TGFBRAP1: variants seen among roughly 807,000 people sequenced by gnomAD.
TGFBRAP1 encodes the protein transforming growth factor beta receptor associated protein 1, also known as transforming growth factor-beta receptor-associated protein 1.
TGFBRAP1 carries 20 observed loss-of-function variants against 83.2 expected under a neutral mutation model. The ratio of observed to expected loss-of-function variants is 0.24; its 90% CI spans 0.17 to 0.35. The LOEUF (loss-of-function observed/expected upper bound fraction) is 0.35. Among genes scored for constraint, TGFBRAP1 ranks in the 10% least tolerant of loss-of-function variants. The pLI, the probability that TGFBRAP1 is intolerant of heterozygous loss-of-function variation, is 1.00. For synonymous variants in TGFBRAP1, 415 were observed against 459.8 expected (o/e 0.90, Z 1.25); for missense variants, 950 against 1,099.4 (o/e 0.86, Z 1.92).
In TGFBRAP1 at chr2:105,269,955, C is replaced by G. The variant is rs1047922182; in HGVS notation, c.1973-250G>C. ...CTGGACCACAGAATAATTCCTTTCT[C>G]TAGTGTTCAGAGGATGAAAAGAACA... On this transcript the variant is annotated intron_variant, in intron 10 of 11. Coordinates refer to ENST00000393359, the MANE Select transcript of TGFBRAP1 (RefSeq NM_004257.6). This position sits in a 1 kb window ranked among gnomAD's most constrained non-coding sequence, Gnocchi z 4.1. Among the ~76,000 whole-genome samples the G allele has an allele frequency of 1.3e-5, 2 of 152,172 alleles. No homozygotes were observed. Among genetic ancestry groups the G allele is most frequent in the African/African-American group, 4.8e-5 (2 of 41,438 alleles).
chr2:105,257,971 GGAAT>G, the TGFBRAP1 span, among the ~76,000 whole-genome samples: 6 of 152,024 alleles, frequency 3.9e-5, no homozygotes, highest in African/African-American at 1.2e-4. Context: ...ATATACTTGT[GGAAT>G]GAATGAATAA....
intron 2 of TGFBRAP1, among the ~76,000 whole-genome samples, chr2:105,304,697 C>T (rs1195343664): frequency 6.6e-6 from 1 of 152,148 alleles, no homozygotes; most frequent in East Asian, 1.9e-4. Context: ...GCAGGAGAAT[C>T]GTTTGAACCC....
chr2:105,312,344 AG>A (rs1229986185), intron 1 of TGFBRAP1, among the ~76,000 whole-genome samples: 1 of 152,186 alleles, frequency 6.6e-6, no homozygotes, highest in Admixed American at 6.5e-5. Context: ...TCACTTTAAA[AG>A]TATGATTATA....
chr2:105,250,923 C>T, the TGFBRAP1 span, among the ~76,000 whole-genome samples: 5 of 152,362 alleles, frequency 3.3e-5, no homozygotes, highest in South Asian at 4.1e-4. Flanking sequence ...CCCAAGGTGC[C>T]GGGATGGCAG....
intron 7 of TGFBRAP1, among the ~76,000 whole-genome samples, chr2:105,276,966 T>C (rs1348443231): frequency 6.6e-6 from 1 of 152,186 alleles, no homozygotes; most frequent in East Asian, 1.9e-4. Flanking sequence ...CACGGTGCAG[T>C]ACAAATGCAT....
chr2:105,327,946 A>C (rs1374585662), intron 1 of TGFBRAP1, among the ~76,000 whole-genome samples: 1 of 152,236 alleles, frequency 6.6e-6, no homozygotes, highest in Non-Finnish European at 1.5e-5. Context: ...CTCCAGAGTA[A>C]ATCATTTGTT....
At position 105,311,588 on chromosome 2, in the gene TGFBRAP1, G is replaced by GA. The variant is rs200572876; in HGVS notation, c.-17-3271dup. 9.8e-3 allele frequency among the ~76,000 whole-genome samples: 1,454 copies of GA among 149,022 alleles called. 36 individuals are homozygous for GA. The highest frequency in any genetic ancestry group is 0.034 in the African/African-American group (1,387 of 40,514). On this transcript the variant is annotated intron_variant, in intron 1 of 11. Transcript: ENST00000393359. ...AAACAGTGTGAGATGCTTTCACACA[G>GA]AAAAAAAAAGAAAAAAGAAAAAAAA...
chr2:105,261,554 C>G (rs1676787944), downstream of TGFBRAP1, among the ~76,000 whole-genome samples: 1 of 152,096 alleles, frequency 6.6e-6, no homozygotes, highest in South Asian at 2.1e-4. Flanking sequence ...GAGTTCAAGA[C>G]CAACCTGGCC....
chr2:105,323,994 T>G (rs2104422959), intron 1 of TGFBRAP1, among the ~76,000 whole-genome samples: 1 of 152,150 alleles, frequency 6.6e-6, no homozygotes, highest in South Asian at 2.1e-4. Context: ...TCAAGTGTGT[T>G]AAGGTCACGA....
At chr2:105,324,811 A>G (rs917703680) in intron 1 of TGFBRAP1, among the ~76,000 whole-genome samples, 1 of 152,136 alleles carries the variant, frequency 6.6e-6, no homozygotes, top group Admixed American at 6.6e-5. Context: ...GCTGGGAAGG[A>G]GCACAGCCCC....
chr2:105,255,339 C>T, the TGFBRAP1 span, among the ~76,000 whole-genome samples: 4 of 151,886 alleles, frequency 2.6e-5, no homozygotes, highest in African/African-American at 9.7e-5. Flanking sequence ...TTTTCAGTGA[C>T]AGGGTCTCAC....
chr2:105,315,927 C>T (rs1441908974), intron 1 of TGFBRAP1, among the ~76,000 whole-genome samples: 1 of 152,046 alleles, frequency 6.6e-6, no homozygotes, highest in Non-Finnish European at 1.5e-5. Flanking sequence ...ATTCATATTA[C>T]CCAAAAAAAG....
chr2:105,326,919 C>A (rs1333452966), intron 1 of TGFBRAP1, among the ~76,000 whole-genome samples: 1 of 152,086 alleles, frequency 6.6e-6, no homozygotes, highest in Non-Finnish European at 1.5e-5. Flanking sequence ...CACTTAAAGT[C>A]ATTTGGGGTA....
chr2:105,273,560 A>G lies in TGFBRAP1; in HGVS notation c.1796T>C (p.Ile599Thr). The change falls in exon 9 of 12, where the codon ATA becomes ACA. Residue 599 changes from isoleucine (I) to threonine (T), a missense_variant. Ile to Thr is a moderately conservative substitution (Grantham distance 89, BLOSUM62 -1). Transcript: ENST00000393359. ...ALVKYLEHLV[I>T]DKRLQKEEYH... ...AGTGCTCACCTGCAGTCTCTTGTCTATCACAAGATGTTCCAGATACTTCAC... is the reference window on the plus strand; with the variant it reads ...AGTGCTCACCTGCAGTCTCTTGTCTGTCACAAGATGTTCCAGATACTTCAC... 1.2e-6 allele frequency: 2 copies of G among 1,614,184 alleles called. No individual in the cohort carries two copies. The highest frequency in any genetic ancestry group is 1.7e-6 in the Non-Finnish European group (2 of 1,180,028).
Position 105,273,000 on chromosome 2 carries a change from G to T in TGFBRAP1, c.1827C>A (p.His609Gln). The change falls in exon 10 of 12, where the codon CAC (histidine) becomes CAA (glutamine). Residue 609 changes from histidine (H) to glutamine (Q), a missense_variant. Coordinates refer to ENST00000393359, the MANE Select transcript of TGFBRAP1 (RefSeq NM_004257.6). ...CCAGGTACAGCACAGCTAAGTGGGTGTGATACTCTTCTTTCTGCAGGAAAC... is the reference window on the plus strand; with the variant it reads ...CCAGGTACAGCACAGCTAAGTGGGTTTGATACTCTTCTTTCTGCAGGAAAC... ...IDKRLQKEEY[H>Q]THLAVLYLEE... is the part of the protein sequence containing the mutation. 1 of 1,611,346 alleles carries T rather than the reference G, an allele frequency of 6.2e-7. No homozygotes were observed.
Position 105,280,461 on chromosome 2 carries a change from C to G in TGFBRAP1, c.1384G>C (p.Asp462His), listed in dbSNP as rs773353392. The change falls in exon 6 of 12, where the codon GAC (aspartate) becomes CAC (histidine). Residue 462 changes from aspartate (D) to histidine (H), a missense_variant. Transcript: ENST00000393359. ...GTGACCAGGAGGTCCAGCAGGCTGTCGTGGTCAGCCTCTGCATACAGTTTG... is the reference window on the plus strand; with the variant it reads ...GTGACCAGGAGGTCCAGCAGGCTGTGGTGGTCAGCCTCTGCATACAGTTTG... ...LLKLYAEADHDSLLDLLVTEN... is the reference protein window; with the variant it reads ...LLKLYAEADHHSLLDLLVTEN... The G allele has an allele frequency of 1.9e-6, 3 of 1,614,192 alleles. No individual in the cohort carries two copies. Among genetic ancestry groups the G allele is most frequent in the Non-Finnish European group, 2.5e-6 (3 of 1,180,036 alleles).
At chr2:105,270,278 C>T (rs1271377074) in intron 10 of TGFBRAP1, among the ~76,000 whole-genome samples, 1 of 152,136 alleles carries the variant, frequency 6.6e-6, no homozygotes, top group African/African-American at 2.4e-5. Flanking sequence ...GTTTGTTTCA[C>T]CTGCAATTAA....
chr2:105,260,526 G>A (rs1015820410), downstream of TGFBRAP1, among the ~76,000 whole-genome samples: 1 of 152,200 alleles, frequency 6.6e-6, no homozygotes, highest in African/African-American at 2.4e-5. Context: ...CCACTTTTAT[G>A]AGACACCTAG....
rs751609019 is a variant in TGFBRAP1 at position 105,275,677 on chromosome 2, A to G, written c.1548T>C (p.Asp516=). The part of the protein sequence containing the change: ...VQLWVNIVNG[D]VQDSTRSDLY... ...GGTCTGAGCGTGTGGAGTCCTGGAC[A>G]TCGCCATTCACAATGTTCACCCACA... The change falls in exon 8 of 12, where the codon GAT becomes GAC. Residue 516 remains aspartate, a synonymous_variant. Coordinates refer to ENST00000393359, the MANE Select transcript of TGFBRAP1 (RefSeq NM_004257.6). 1.2e-6 allele frequency: 2 copies of G among 1,610,406 alleles called. No individual in the cohort carries two copies. The highest frequency in any genetic ancestry group is 1.7e-6 in the Non-Finnish European group (2 of 1,178,868).
Sources: gnomAD v4.1 joint callset for allele counts (sites outside exome capture counted in the v4.1 genomes callset) on GRCh38, gnomAD v4.1.1 for gene constraint, Gnocchi (gnomAD v3.1) non-coding constraint, MANE v1.5 for transcripts, NCBI Gene and HGNC (gene_info 2026-07-23, HGNC 2026-07-21) for gene names.